The following MIPOL1 variants were observed in gnomAD, a reference collection of about 807,000 sequenced individuals.
MIPOL1 encodes the protein mirror-image polydactyly 1.
Under a neutral mutation model 60.9 loss-of-function variants are expected in MIPOL1, and 57 were observed. That is an observed-to-expected ratio of 0.94 (90% CI 0.76 to 1.17). The LOEUF (loss-of-function observed/expected upper bound fraction) is 1.17, where lower values mean the gene tolerates loss of function less well. Ranked by LOEUF, MIPOL1 falls within the 50% of genes most tolerant of loss-of-function variation. The pLI is 0.00. For synonymous variants in MIPOL1, 179 were observed against 168.8 expected (o/e 1.06, Z -0.47); for missense variants, 551 against 511.6 (o/e 1.08, Z -0.74).
chr14:37,468,415 T>C (rs2094630967), intron 11 of MIPOL1, among the ~76,000 whole-genome samples: 1 of 152,212 alleles, frequency 6.6e-6, no homozygotes, highest in Non-Finnish European at 1.5e-5. Context: ...TGCTTACTTT[T>C]CTTTCTTTCA....
At chr14:37,344,552 T>TG (rs1271012246) in intron 9 of MIPOL1, among the ~76,000 whole-genome samples, 1 of 152,146 alleles carries the variant, frequency 6.6e-6, no homozygotes, top group East Asian at 1.9e-4. Context: ...TGGAAGCACA[T>TG]GTCAAGTTGT....
chr14:37,516,806 A>G (rs2095372555), intron 12 of MIPOL1, among the ~76,000 whole-genome samples: 1 of 152,176 alleles, frequency 6.6e-6, no homozygotes. Context: ...AGAATAAACT[A>G]TATTATACTT....
In MIPOL1 at chr14:37,209,575, G is replaced by A. The variant is rs149005271; in HGVS notation, c.-199+11471G>A. Among the ~76,000 whole-genome samples the A allele has an allele frequency of 1.5e-4, 23 of 152,238 alleles. No individual in the cohort carries two copies. In the South Asian group the frequency reaches 3.1e-3, roughly 21 times the overall value. On this transcript the variant is annotated intron_variant, in intron 1 of 12. Coordinates refer to ENST00000684589, the MANE Select transcript of MIPOL1 (RefSeq NM_001388067.1). ...CTCAGTAGACTGAGGCAGGAGAATC[G>A]CTTGAACCCAGGAGGCGGAGGTTGC... is the stretch of plus-strand genomic sequence containing the variant.
intron 12 of MIPOL1, among the ~76,000 whole-genome samples, chr14:37,537,931 C>G (rs1378762471): frequency 6.6e-6 from 1 of 152,196 alleles, no homozygotes; most frequent in East Asian, 1.9e-4. Flanking sequence ...TTCTGTGTCA[C>G]AGATCATGAA....
chr14:37,510,124 A>C (rs531151197), intron 12 of MIPOL1, among the ~76,000 whole-genome samples: 1 of 152,162 alleles, frequency 6.6e-6, no homozygotes, highest in African/African-American at 2.4e-5. Context: ...TCTATATTAT[A>C]TATAAAGCTT....
At chr14:37,515,508 C>T (rs2095362700) in intron 12 of MIPOL1, among the ~76,000 whole-genome samples, 1 of 152,076 alleles carries the variant, frequency 6.6e-6, no homozygotes, top group South Asian at 2.1e-4. Context: ...TTTTCGTTTG[C>T]CTCATACAAC....
At chr14:37,311,457 G>A (rs948243400) in intron 9 of MIPOL1, among the ~76,000 whole-genome samples, 2 of 151,960 alleles carry the variant, frequency 1.3e-5, no homozygotes, top group Admixed American at 6.6e-5. Context: ...AAATACCACC[G>A]CACTATATTT....
chr14:37,353,583 A>C (rs371593442), intron 9 of MIPOL1, among the ~76,000 whole-genome samples: 66 of 151,298 alleles, frequency 4.4e-4, no homozygotes, highest in South Asian at 3.1e-3. Context: ...ACAATTTCAG[A>C]TCCTGTTATT....
intron 11 of MIPOL1, among the ~76,000 whole-genome samples, chr14:37,457,334 T>A (rs1315465699): frequency 2.0e-5 from 3 of 152,200 alleles, no homozygotes; most frequent in African/African-American, 7.2e-5. Context: ...TTGAACAGTC[T>A]GGCACAAAGT....
chr14:37,230,045 A>C (rs1970372341), intron 1 of MIPOL1, among the ~76,000 whole-genome samples: 1 of 152,182 alleles, frequency 6.6e-6, no homozygotes, highest in African/African-American at 2.4e-5. Flanking sequence ...TATTCTTAAA[A>C]ATTGCTAAGA....
chr14:37,236,139 T>C (rs1390731645), intron 1 of MIPOL1, among the ~76,000 whole-genome samples: 4 of 152,078 alleles, frequency 2.6e-5, no homozygotes, highest in Admixed American at 2.6e-4. Context: ...TTGCTTAGGC[T>C]GGTCTCGAAC....
intron 11 of MIPOL1, among the ~76,000 whole-genome samples, chr14:37,466,846 A>G (rs976382837): frequency 1.3e-5 from 2 of 152,196 alleles, no homozygotes; most frequent in Admixed American, 6.5e-5. Context: ...TAGAAAGGAC[A>G]CATAGTTTAC....
intron 11 of MIPOL1, among the ~76,000 whole-genome samples, chr14:37,486,314 T>G (rs1045658377): frequency 6.6e-6 from 1 of 152,206 alleles, no homozygotes; most frequent in South Asian, 2.1e-4. Context: ...GTCTTGGCAA[T>G]GCAGATCTTT....
At chr14:37,429,425 G>A (rs1806348676) in intron 11 of MIPOL1, among the ~76,000 whole-genome samples, 1 of 152,096 alleles carries the variant, frequency 6.6e-6, no homozygotes, top group Admixed American at 6.5e-5. Flanking sequence ...GTGATTCCAT[G>A]TGTGAATTTG....
At chr14:37,346,265 G>A (rs2090938450) in intron 9 of MIPOL1, among the ~76,000 whole-genome samples, 2 of 152,252 alleles carry the variant, frequency 1.3e-5, no homozygotes, top group African/African-American at 4.8e-5. Context: ...GGAGGCGAAG[G>A]TTATAGTGAG....
intron 11 of MIPOL1, among the ~76,000 whole-genome samples, chr14:37,444,129 T>C (rs189507282): frequency 2.9e-4 from 44 of 152,316 alleles, no homozygotes; most frequent in African/African-American, 8.9e-4. Context: ...AAACTGCTTT[T>C]ATTTGCAGAT....
intron 11 of MIPOL1, among the ~76,000 whole-genome samples, chr14:37,488,949 G>T (rs1289873516): frequency 6.6e-6 from 1 of 152,192 alleles, no homozygotes; most frequent in African/African-American, 2.4e-5. Flanking sequence ...TATCTTTGTG[G>T]TGTTCTCTGT....
chr14:37,371,997 G>T (rs901881302), intron 10 of MIPOL1, among the ~76,000 whole-genome samples: 2 of 152,162 alleles, frequency 1.3e-5, no homozygotes, highest in Non-Finnish European at 2.9e-5. Context: ...TATTTAGTTA[G>T]TATCTAATAA....
chr14:37,485,254 C>T (rs2094929828), intron 11 of MIPOL1, among the ~76,000 whole-genome samples: 1 of 152,122 alleles, frequency 6.6e-6, no homozygotes, highest in South Asian at 2.1e-4. Context: ...TGGGTTGATT[C>T]CAAGTCTTTG....
Sources: allele counts gnomAD v4.1 joint callset (sites outside exome capture counted in the v4.1 genomes callset), GRCh38; gene constraint gnomAD v4.1.1; transcripts MANE v1.5; gene names NCBI Gene and HGNC (gene_info 2026-07-23, HGNC 2026-07-21).